NODAL: variants seen among roughly 807,000 people sequenced by gnomAD.
NODAL encodes the protein nodal growth differentiation factor.
In NODAL, 12 loss-of-function variants were observed where a neutral mutation model predicts 34.0. The observed-to-expected ratio is 0.35, with a 90% CI of 0.23 to 0.57. The LOEUF is 0.57. Among genes scored for constraint, NODAL ranks in the 20% least tolerant of loss-of-function variants. The pLI, the probability that NODAL is intolerant of heterozygous loss-of-function variation, is 0.83. For missense variants in NODAL, 390 were observed against 444.2 expected (o/e 0.88, Z 1.10); for synonymous variants, 162 against 186.4 (o/e 0.87, Z 1.07).
At chr10:70,438,242 T>C (rs1364495279) in intron 1 of NODAL, among the ~76,000 whole-genome samples, 25 of 152,246 alleles carry the variant, frequency 1.6e-4, no homozygotes, top group Middle Eastern at 3.4e-3. Flanking sequence ...TGCAGTGAGC[T>C]GAGATTGCGC....
At chr10:70,440,924 TTC>T (rs1193525411) in intron 1 of NODAL, among the ~76,000 whole-genome samples, 1 of 151,918 alleles carries the variant, frequency 6.6e-6, no homozygotes, top group African/African-American at 2.4e-5. Flanking sequence ...CCGGGACCCA[TTC>T]ACCCTCACTC....
At chr10:70,447,756 A>G (rs901069234) in intron 1 of NODAL, among the ~76,000 whole-genome samples, 5 of 32,726 alleles carry the variant, frequency 1.5e-4, no homozygotes, top group African/African-American at 2.9e-4. Flanking sequence ...GAAGGCCACC[A>G]GCCTACCAGA....
intron 1 of NODAL, among the ~76,000 whole-genome samples, chr10:70,437,170 C>T (rs773978763): frequency 4.7e-4 from 71 of 152,178 alleles, no homozygotes; most frequent in Admixed American, 4.1e-3. Flanking sequence ...ATGCCGGGCG[C>T]GGTGGCTCAC....
chr10:70,447,663 GA>G (rs55741632), intron 1 of NODAL, among the ~76,000 whole-genome samples: 3 of 144,420 alleles, frequency 2.1e-5, no homozygotes, highest in Admixed American at 6.9e-5. Context: ...CCTGTCTCAG[GA>G]AAAAAAAAAA....
upstream of NODAL, among the ~76,000 whole-genome samples, chr10:70,442,719 A>G (rs1002069636): frequency 5.9e-5 from 9 of 152,136 alleles, no homozygotes; most frequent in African/African-American, 1.9e-4. Context: ...AACACTTACT[A>G]AGCGCCAGGC....
rs1209006220 is a variant in NODAL at position 70,447,603 on chromosome 10, G to A, written c.28+321C>T. ...GAGATGGCAGGAGGTCAAGGCTGCA[G>A]TGAGCCATGATCACACCACTCCACT... On this transcript the variant is annotated intron_variant, in intron 1 of 2. Coordinates refer to the NODAL transcript ENST00000414871. Among the ~76,000 whole-genome samples the A allele has an allele frequency of 2.0e-5, 3 of 151,906 alleles. No individual in the cohort carries two copies. The East Asian group carries it at 5.8e-4, about 30-fold the overall frequency.
At chr10:70,440,436 C>T (rs2132219331) in intron 1 of NODAL, among the ~76,000 whole-genome samples, 1 of 152,316 alleles carries the variant, frequency 6.6e-6, no homozygotes, top group South Asian at 2.1e-4. Context: ...CTGTCTGACC[C>T]CAGGCGCGGG....
upstream of NODAL, among the ~76,000 whole-genome samples, chr10:70,443,834 C>T (rs900376533): frequency 5.3e-5 from 8 of 151,546 alleles, no homozygotes; most frequent in South Asian, 2.1e-4. Context: ...AGTGAAACTC[C>T]GTCTCAAAAA....
upstream of NODAL, among the ~76,000 whole-genome samples, chr10:70,441,882 AG>A (rs1845436831): frequency 6.6e-6 from 1 of 152,286 alleles, no homozygotes; most frequent in South Asian, 2.1e-4. Flanking sequence ...ACCTAGTTCC[AG>A]GGACGGGATC....
upstream of NODAL, among the ~76,000 whole-genome samples, chr10:70,442,465 AG>A (rs1845443642): frequency 1.3e-5 from 2 of 152,254 alleles, no homozygotes; most frequent in South Asian, 4.1e-4. Context: ...GTGTCGGCTC[AG>A]GGCCACTCAC....
chr10:70,441,634 C>T lies in NODAL; in HGVS notation c.34G>A (p.Ala12Thr). 6.4e-7 allele frequency: 1 copy of T among 1,551,704 alleles called. No homozygotes were observed. Among genetic ancestry groups the T allele is most frequent in the East Asian group, 2.4e-5 (1 of 41,092 alleles). Reference protein sequence around the residue: ...HAHCLPFLLHAWWALLQAGAA... With the variant: ...HAHCLPFLLHTWWALLQAGAA... ...CCCGCCTGGAGTAGGGCCCACCAGG[C>T]GTGCAGAAGGAAGGGCAGGCAGTGG... The change falls in exon 1 of 3, where the codon GCC becomes ACC. Residue 12 changes from alanine to threonine, a missense_variant. Ala to Thr is a moderately conservative substitution (Grantham distance 58). Coordinates refer to ENST00000287139, the MANE Select transcript of NODAL (RefSeq NM_018055.5).
intron 1 of NODAL, among the ~76,000 whole-genome samples, chr10:70,447,421 C>T (rs796478447): frequency 1.1e-4 from 16 of 152,134 alleles, no homozygotes; most frequent in African/African-American, 3.4e-4. Context: ...TGTGGTGGCT[C>T]GTGCCTGCAA....
At chr10:70,444,726 A>G (rs1845469675), upstream of NODAL, among the ~76,000 whole-genome samples, 2 of 152,184 alleles carry the variant, frequency 1.3e-5, no homozygotes, top group South Asian at 2.1e-4. Flanking sequence ...CATCTGCAAA[A>G]CTTGTCTAGA....
Position 70,435,947 on chromosome 10 carries a change from A to G in NODAL, c.230T>C (p.Phe77Ser). Residue 77 changes from phenylalanine to serine, a missense_variant, in exon 2 of 3, where the codon TTT becomes TCT. Coordinates refer to ENST00000287139, the MANE Select transcript of NODAL (RefSeq NM_018055.5). ...TTGTTGGCTCAGGAAGGAGAAGTCA[A>G]AAGCAAACGTCCAGTTCTGCCCATC... Reference protein sequence around the residue: ...AVDGQNWTFAFDFSFLSQQED... With the variant: ...AVDGQNWTFASDFSFLSQQED... The G allele has an allele frequency of 6.2e-7, 1 of 1,614,188 alleles. No individual in the cohort carries two copies. The highest frequency in any genetic ancestry group is 8.5e-7 in the Non-Finnish European group (1 of 1,180,034).
At chr10:70,436,235 C>T (rs1015761780) in intron 1 of NODAL, 3 of 536,746 alleles carry the variant, frequency 5.6e-6, no homozygotes, top group Non-Finnish European at 1.0e-5. Flanking sequence ...AAGAGTAAAC[C>T]TGGATTTGCC....
chr10:70,447,843 C>A, intron 1 of NODAL: 1 of 470,752 alleles, frequency 2.1e-6, no homozygotes, highest in Non-Finnish European at 4.4e-6. Context: ...TATAACTGCC[C>A]ACTGTTTGCT....
In NODAL at chr10:70,432,794, A is replaced by G; in HGVS notation, c.*142T>C. 1.1e-6 allele frequency: 1 copy of G among 917,246 alleles called. No homozygotes were observed. Among genetic ancestry groups the G allele is most frequent in the East Asian group, 2.5e-5 (1 of 40,364 alleles). 56.8% of individuals were successfully genotyped at this position (917,246 alleles called of 1,614,324 possible). On this transcript the variant is annotated 3_prime_UTR_variant, in exon 3 of 3. Coordinates refer to ENST00000287139, the MANE Select transcript of NODAL (RefSeq NM_018055.5). ...TGAGCCCTTCATTTACAGAGTGGGC[A>G]GCCCCTCCTCTTCAGTTCTGGTGGG... is the stretch of plus-strand genomic sequence containing the variant.
At chr10:70,444,838 G>T (rs1463376891), upstream of NODAL, among the ~76,000 whole-genome samples, 1 of 152,182 alleles carries the variant, frequency 6.6e-6, no homozygotes, top group Non-Finnish European at 1.5e-5. Context: ...GGGTATTATT[G>T]TGGGTGGTCC....
At chr10:70,439,478 A>G (rs1476157515) in intron 1 of NODAL, among the ~76,000 whole-genome samples, 1 of 152,188 alleles carries the variant, frequency 6.6e-6, no homozygotes, top group African/African-American at 2.4e-5. Flanking sequence ...CCCGTGTGCC[A>G]AGTGTTTCAC....
Sources: gnomAD v4.1 joint callset for allele counts (sites outside exome capture counted in the v4.1 genomes callset) on GRCh38, gnomAD v4.1.1 for gene constraint, MANE v1.5 for transcripts, NCBI Gene and HGNC (gene_info 2026-07-23, HGNC 2026-07-21) for gene names.